The following CD38 variants were observed in gnomAD, a reference collection of about 807,000 sequenced individuals.
CD38 encodes the protein ADP-ribosyl cyclase/cyclic ADP-ribose hydrolase 1.
A neutral mutation model predicts 36.3 loss-of-function variants in CD38; 31 were observed. That is an observed-to-expected ratio of 0.85 (90% CI 0.64 to 1.15). The LOEUF (loss-of-function observed/expected upper bound fraction) is 1.15. Among genes scored for constraint, CD38 ranks in the 50% most tolerant of loss-of-function variants. The pLI is 0.00. For missense variants in CD38, 380 were observed against 371.9 expected, an observed-to-expected ratio of 1.02 and a Z score of -0.18; for synonymous variants, 131 against 135.2, an observed-to-expected ratio of 0.97 and a Z score of 0.22.
At chr4:15,784,826 C>T (rs745766293) in intron 1 of CD38, among the ~76,000 whole-genome samples, 9 of 151,994 alleles carry the variant, frequency 5.9e-5, no homozygotes, top group African/African-American at 1.7e-4. Flanking sequence ...GGGAGGCTGA[C>T]GTGGGTGGAT....
chr4:15,814,024 A>G (rs1475662807), intron 1 of CD38, among the ~76,000 whole-genome samples: 1 of 152,198 alleles, frequency 6.6e-6, no homozygotes, highest in Non-Finnish European at 1.5e-5. Flanking sequence ...GAATCGCCAC[A>G]CTATCTTCCA....
chr4:15,832,086 T>A (rs1351184182), intron 3 of CD38, among the ~76,000 whole-genome samples: 2 of 152,180 alleles, frequency 1.3e-5, no homozygotes, highest in African/African-American at 4.8e-5. Flanking sequence ...AAGACTCTGA[T>A]GCATTCTTCA....
intron 1 of CD38, among the ~76,000 whole-genome samples, chr4:15,794,092 A>G (rs1226367040): frequency 6.6e-6 from 1 of 152,230 alleles, no homozygotes. Flanking sequence ...TAAGTTTTAA[A>G]TTGAGCACTC....
chr4:15,822,740 T>A (rs1723766495), intron 2 of CD38, among the ~76,000 whole-genome samples: 2 of 152,126 alleles, frequency 1.3e-5, no homozygotes. Context: ...ATCAATATCG[T>A]GAAAATGGCC....
intron 4 of CD38, among the ~76,000 whole-genome samples, chr4:15,835,203 A>G (rs926459328): frequency 1.3e-5 from 2 of 151,960 alleles, no homozygotes; most frequent in African/African-American, 4.8e-5. Flanking sequence ...TTCTAAGCCT[A>G]TGGTGGCCTC....
Position 15,840,582 on chromosome 4 carries a change from C to G in CD38, c.839+44C>G, listed in dbSNP as rs1292641416. On this transcript the variant is annotated intron_variant, in intron 7 of 7. Coordinates refer to ENST00000226279, the MANE Select transcript of CD38 (RefSeq NM_001775.4). ...AAGAAAAAAATGACTGTCTTGTCAC[C>G]TGTAGAATTTCCTTTTTTCCTTAGC... 3 of 1,163,104 alleles carry G rather than the reference C, an allele frequency of 2.6e-6. No individual in the cohort carries two copies. In the Admixed American group the frequency reaches 5.7e-5, roughly 22 times the overall value. The allele number at this position is 1,163,104 out of a possible 1,614,324, so 72.0% of individuals were successfully genotyped here.
intron 2 of CD38, among the ~76,000 whole-genome samples, chr4:15,820,264 C>G (rs945591567): frequency 2.0e-5 from 3 of 152,136 alleles, no homozygotes; most frequent in African/African-American, 4.8e-5. Context: ...AGACCAATGA[C>G]ACTATGAAGC....
At chr4:15,811,749 G>C (rs1478001753) in intron 1 of CD38, among the ~76,000 whole-genome samples, 1 of 152,202 alleles carries the variant, frequency 6.6e-6, no homozygotes, top group African/African-American at 2.4e-5. Flanking sequence ...AAGGAAACAG[G>C]ATGCAAAGCT....
intron 1 of CD38, among the ~76,000 whole-genome samples, chr4:15,791,414 T>G (rs549703799): frequency 1 from 4,128 of 4,134 alleles, 2,063 homozygotes; most frequent in Middle Eastern, 1. Context: ...CCTCTGCCCG[T>G]CCGCCCGTAC....
intron 1 of CD38, among the ~76,000 whole-genome samples, chr4:15,806,225 T>G (rs754658601): frequency 6.6e-6 from 1 of 152,186 alleles, no homozygotes; most frequent in Non-Finnish European, 1.5e-5. Context: ...ACCCCAGCAC[T>G]GGGGAATAAC....
intron 1 of CD38, among the ~76,000 whole-genome samples, chr4:15,786,182 T>C (rs769188062): frequency 3.3e-5 from 5 of 152,152 alleles, no homozygotes; most frequent in Admixed American, 2.0e-4. Context: ...GCTTCCCCAG[T>C]GTAGAAGTGT....
At chr4:15,796,293 A>T (rs1475880184) in intron 1 of CD38, among the ~76,000 whole-genome samples, 1 of 152,128 alleles carries the variant, frequency 6.6e-6, no homozygotes, top group Non-Finnish European at 1.5e-5. Context: ...GGATCTGAAT[A>T]TATTAATTTG....
chr4:15,801,993 A>C (rs1308200772), intron 1 of CD38, among the ~76,000 whole-genome samples: 4 of 152,218 alleles, frequency 2.6e-5, no homozygotes, highest in African/African-American at 9.6e-5. Context: ...ATTTGGAAGG[A>C]ATAAGTCAAA....
chr4:15,802,651 G>C (rs1723255009), intron 1 of CD38, among the ~76,000 whole-genome samples: 1 of 151,850 alleles, frequency 6.6e-6, no homozygotes, highest in African/African-American at 2.4e-5. Flanking sequence ...CTCCCTCCTG[G>C]GTTCAAGCAA....
intron 1 of CD38, among the ~76,000 whole-genome samples, chr4:15,790,562 A>G (rs1399038286): frequency 6.6e-6 from 1 of 151,738 alleles, no homozygotes; most frequent in Non-Finnish European, 1.5e-5. Flanking sequence ...TTGGCCCCCC[A>G]AAGTGCCGAG....
At chr4:15,792,549 G>A (rs955515287) in intron 1 of CD38, among the ~76,000 whole-genome samples, 3 of 151,098 alleles carry the variant, frequency 2.0e-5, no homozygotes, top group Non-Finnish European at 2.9e-5. Context: ...GTAAAACTAG[G>A]GCTAATAATA....
rs528726828 is a variant in CD38, at chr4:15,850,141, C to G, written c.*1539C>G. The G allele has an allele frequency of 3.3e-5, 5 of 152,048 alleles. No homozygotes were observed. Among genetic ancestry groups the G allele is most frequent in the African/African-American group, 1.2e-4 (5 of 41,466 alleles). 9.4% of individuals were successfully genotyped at this position (152,048 alleles called of 1,614,324 possible). ...TGGGAATAACAGTGAGACATTATCT[C>G]CAAAAAAATTACCTGGGTATGGTGT... On this transcript the variant is annotated 3_prime_UTR_variant, in exon 8 of 8. Coordinates refer to ENST00000226279, the MANE Select transcript of CD38 (RefSeq NM_001775.4).
chr4:15,820,172 C>T (rs540670452), intron 2 of CD38, among the ~76,000 whole-genome samples: 79 of 152,318 alleles, frequency 5.2e-4, no homozygotes, highest in African/African-American at 1.7e-3. Flanking sequence ...CCAGGCCTGC[C>T]TTGCAAGAGC....
At chr4:15,779,322 G>T (rs1217246829) in intron 1 of CD38, among the ~76,000 whole-genome samples, 1 of 152,142 alleles carries the variant, frequency 6.6e-6, no homozygotes, top group Non-Finnish European at 1.5e-5. Flanking sequence ...GCAGCAACTC[G>T]GTGAATCTGT....
Sources: allele counts gnomAD v4.1 joint callset (sites outside exome capture counted in the v4.1 genomes callset), GRCh38; gene constraint gnomAD v4.1.1; transcripts MANE v1.5; gene names NCBI Gene and HGNC (gene_info 2026-07-23, HGNC 2026-07-21).